The following NRG1 variants were observed in gnomAD, a reference collection of about 807,000 sequenced individuals.
NRG1 encodes the protein pro-neuregulin-1, membrane-bound isoform.
NRG1 carries 18 observed loss-of-function variants against 63.8 expected under a neutral mutation model. The ratio of observed to expected loss-of-function variants is 0.28; its 90% CI spans 0.19 to 0.42. The LOEUF (loss-of-function observed/expected upper bound fraction) is 0.42. Among genes scored for constraint, NRG1 ranks in the 10% least tolerant of loss-of-function variants. NRG1 has a pLI of 1.00. For synonymous variants in NRG1, 302 were observed against 301.3 expected, an observed-to-expected ratio of 1.00 and a Z score of -0.02; for missense variants, 762 against 814.7, an observed-to-expected ratio of 0.94 and a Z score of 0.79.
chr8:32,097,867 A>T (rs927284938), intron 1 of NRG1, among the ~76,000 whole-genome samples: 1 of 152,218 alleles, frequency 6.6e-6, no homozygotes, highest in Non-Finnish European at 1.5e-5. Context: ...TTTAAAATCT[A>T]TTATGCTTCC....
chr8:32,429,692 C>T (rs181188919), intron 1 of NRG1, among the ~76,000 whole-genome samples: 218 of 152,140 alleles, frequency 1.4e-3, no homozygotes, highest in African/African-American at 5.1e-3. Context: ...CGTAAACTGG[C>T]AATAAAAGAA....
intron 1 of NRG1, among the ~76,000 whole-genome samples, chr8:32,066,045 C>G (rs1211659897): frequency 6.6e-6 from 1 of 152,112 alleles, no homozygotes; most frequent in Non-Finnish European, 1.5e-5. Context: ...TTGTTTTTTT[C>G]TTGTAAATTT....
chr8:32,177,487 T>C (rs1840917965), intron 1 of NRG1, among the ~76,000 whole-genome samples: 2 of 151,974 alleles, frequency 1.3e-5, no homozygotes, highest in South Asian at 4.2e-4. Flanking sequence ...ATAAAAAAAT[T>C]AAAATATAAA....
At chr8:32,230,843 C>A (rs1350383103) in intron 1 of NRG1, among the ~76,000 whole-genome samples, 1 of 152,050 alleles carries the variant, frequency 6.6e-6, no homozygotes, top group African/African-American at 2.4e-5. Flanking sequence ...GTGTCCATCA[C>A]CTCAGGCATT....
chr8:32,560,296 A>C (rs1836142734), intron 1 of NRG1, among the ~76,000 whole-genome samples: 1 of 151,990 alleles, frequency 6.6e-6, no homozygotes, highest in Non-Finnish European at 1.5e-5. Flanking sequence ...ATTTTAATTA[A>C]AAAAAATAAA....
At position 32,605,547 on chromosome 8, in the gene NRG1, G is replaced by T; in HGVS notation, c.279-15G>T. 6.2e-7 allele frequency: 1 copy of T among 1,612,532 alleles called. No homozygotes were observed. The highest frequency in any genetic ancestry group is 8.5e-7 in the Non-Finnish European group (1 of 1,178,990). On this transcript the variant is annotated splice_polypyrimidine_tract_variant and intron_variant, in intron 2 of 11. Transcript: ENST00000356819. ...TGTGATATATACTGACACCACTTTGGTCCTGATCTTATAGGAAGTCAGAAC... is the reference window on the plus strand; with the variant it reads ...TGTGATATATACTGACACCACTTTGTTCCTGATCTTATAGGAAGTCAGAAC...
intron 1 of NRG1, among the ~76,000 whole-genome samples, chr8:31,864,526 G>T (rs1335207889): frequency 1.3e-5 from 2 of 152,130 alleles, no homozygotes; most frequent in African/African-American, 4.8e-5. Context: ...AGGCCAGTGG[G>T]TTTGAAGCCT....
chr8:32,150,244 A>ATCACTTT (rs1837355077), intron 1 of NRG1, among the ~76,000 whole-genome samples: 2 of 152,248 alleles, frequency 1.3e-5, no homozygotes, highest in African/African-American at 2.4e-5. Context: ...GCCACAATTT[A>ATCACTTT]GTGGAAAATA....
intron 1 of NRG1, among the ~76,000 whole-genome samples, chr8:31,674,890 G>C (rs1322505674): frequency 6.6e-6 from 1 of 152,186 alleles, no homozygotes; most frequent in Non-Finnish European, 1.5e-5. Context: ...ACCTTGTACT[G>C]TGGGGTAGCA....
chr8:32,676,498 C>T (rs1589143027), intron 5 of NRG1, among the ~76,000 whole-genome samples: 1 of 152,212 alleles, frequency 6.6e-6, no homozygotes, highest in African/African-American at 2.4e-5. Context: ...CCATTTACTG[C>T]TCATGTGACC....
chr8:32,641,332 C>T (rs1295198956), intron 5 of NRG1, among the ~76,000 whole-genome samples: 2 of 152,026 alleles, frequency 1.3e-5, no homozygotes, highest in Admixed American at 6.6e-5. Flanking sequence ...GCAAAATTAA[C>T]CATTTGAAAG....
chr8:32,003,828 A>C (rs1257373743), intron 1 of NRG1, among the ~76,000 whole-genome samples: 1 of 151,900 alleles, frequency 6.6e-6, no homozygotes, highest in Non-Finnish European at 1.5e-5. Context: ...AAAAGAAACA[A>C]GTATTCAATT....
chr8:32,496,488 A>G (rs1232012175), intron 1 of NRG1, among the ~76,000 whole-genome samples: 1 of 152,104 alleles, frequency 6.6e-6, no homozygotes, highest in African/African-American at 2.4e-5. Context: ...TACTTGGGAA[A>G]CTAAGGAGGG....
chr8:32,749,647 T>A, intron 7 of NRG1: 1 of 1,530,166 alleles, frequency 6.5e-7, no homozygotes, highest in Non-Finnish European at 9.0e-7. Flanking sequence ...TGAAATCTTT[T>A]TCCCTTCCTA....
At chr8:32,764,033 G>A (rs1831178001) in exon 12 of NRG1, 2 of 1,613,954 alleles carry the variant, frequency 1.2e-6, no homozygotes, top group East Asian at 2.2e-5. Flanking sequence ...GCCCCTTGAG[G>A]ATAGTGGAGG....
chr8:32,525,527 T>C (rs1830748584), intron 1 of NRG1, among the ~76,000 whole-genome samples: 1 of 152,004 alleles, frequency 6.6e-6, no homozygotes, highest in Admixed American at 6.6e-5. Context: ...TTAATTTCTC[T>C]ATTTTCAGTC....
intron 1 of NRG1, among the ~76,000 whole-genome samples, chr8:31,957,671 GC>G (rs1804680815): frequency 6.6e-6 from 1 of 152,124 alleles, no homozygotes; most frequent in Non-Finnish European, 1.5e-5. Context: ...GTGTAAATTT[GC>G]ACTGACAGCC....
At chr8:31,767,173 A>G (rs1390115677) in intron 1 of NRG1, among the ~76,000 whole-genome samples, 2 of 152,188 alleles carry the variant, frequency 1.3e-5, no homozygotes, top group East Asian at 1.9e-4. Context: ...GCTGTATTAC[A>G]TTAAAGCCCC....
rs545788491 is a variant in NRG1, at chr8:32,034,702, T to C, written c.37+395271T>C. 4.6e-5 allele frequency among the ~76,000 whole-genome samples: 7 copies of C among 152,322 alleles called. No homozygotes were observed. In the South Asian group the frequency reaches 1.0e-3, roughly 23 times the overall value. On this transcript the variant is annotated intron_variant, in intron 1 of 10. Coordinates refer to the NRG1 transcript ENST00000519301. ...GAGGGTGTATGTATCCAGGAATTTA[T>C]GCATTTCTTCTAGATTTTCTAGTTT... is the stretch of plus-strand genomic sequence containing the variant.
Sources: allele counts gnomAD v4.1 joint callset (sites outside exome capture counted in the v4.1 genomes callset), GRCh38; gene constraint gnomAD v4.1.1; transcripts MANE v1.5; gene names NCBI Gene and HGNC (gene_info 2026-07-23, HGNC 2026-07-21).